Variants in SND1 observed in about 807,000 individuals in gnomAD.
SND1 encodes staphylococcal nuclease domain-containing protein 1.
A neutral mutation model predicts 121.7 loss-of-function variants in SND1; 38 were observed. That is an observed-to-expected ratio of 0.31 (90% confidence interval 0.24 to 0.41). The LOEUF is 0.41. Ranked by LOEUF, SND1 falls within the 10% of genes least tolerant of loss-of-function variation. The probability of loss-of-function intolerance (pLI) is 1.00; values close to 1 mark genes in which losing one functional copy is unlikely to be tolerated. For missense variants in SND1, 868 were observed against 1,184.6 expected, an observed-to-expected ratio of 0.73 and a Z score of 3.92; for synonymous variants, 401 against 447.4, an observed-to-expected ratio of 0.90 and a Z score of 1.31.
At chr7:127,943,010 C>G (rs986189245) in intron 15 of SND1, among the ~76,000 whole-genome samples, 1 of 152,162 alleles carries the variant, frequency 6.6e-6, no homozygotes, top group South Asian at 2.1e-4. Context: ...GTTGGCCTCA[C>G]AGTGAACATT....
chr7:127,942,021 C>T (rs1801224757), intron 15 of SND1, among the ~76,000 whole-genome samples: 3 of 150,966 alleles, frequency 2.0e-5, no homozygotes, highest in South Asian at 4.2e-4. Context: ...GGCCATTTTT[C>T]CCTTTCACGT....
chr7:127,915,169 A>G (rs1341663525), intron 14 of SND1, among the ~76,000 whole-genome samples: 1 of 152,074 alleles, frequency 6.6e-6, no homozygotes, highest in Non-Finnish European at 1.5e-5. Context: ...GTGTACCACT[A>G]CGCCAGGCTA....
chr7:127,703,911 A>G (rs1337735449), intron 7 of SND1, among the ~76,000 whole-genome samples: 1 of 152,228 alleles, frequency 6.6e-6, no homozygotes, highest in African/African-American at 2.4e-5. Flanking sequence ...TACATTCATT[A>G]GAAGTAGAAC....
intron 14 of SND1, among the ~76,000 whole-genome samples, chr7:127,911,149 T>TTTCTTTCTTC (rs1268016594): frequency 6.6e-6 from 1 of 152,268 alleles, no homozygotes; most frequent in Non-Finnish European, 1.5e-5. Context: ...TATTGCTCTA[T>TTTCTTTCTTC]TTCTTTCTTC....
Position 127,701,141 on chromosome 7 carries a change from T to C in SND1, c.429-22T>C, listed in dbSNP as rs766913648. The C allele has an allele frequency of 2.5e-6, 4 of 1,612,584 alleles. No homozygotes were observed. In the African/African-American group the frequency reaches 5.3e-5, roughly 22 times the overall value. On this transcript the variant is annotated intron_variant, in intron 4 of 23. Coordinates refer to ENST00000354725, the MANE Select transcript of SND1 (RefSeq NM_014390.4). ...CTGTTTGTGAACTCACTAACCACTC[T>C]TGTTTATTTTTTATGTCCCAGTCCT...
At chr7:127,684,672 G>C (rs1795782878) in intron 1 of SND1, among the ~76,000 whole-genome samples, 1 of 152,102 alleles carries the variant, frequency 6.6e-6, no homozygotes, top group South Asian at 2.1e-4. Context: ...CTCAGGATAG[G>C]GTGTTAGCAT....
intron 15 of SND1, among the ~76,000 whole-genome samples, chr7:127,951,276 A>T (rs1281196328): frequency 6.6e-6 from 1 of 152,210 alleles, no homozygotes; most frequent in Non-Finnish European, 1.5e-5. Context: ...TTACGACAAC[A>T]TGGATGAATC....
intron 10 of SND1, among the ~76,000 whole-genome samples, chr7:127,779,633 C>T (rs2116516266): frequency 6.6e-6 from 1 of 152,282 alleles, no homozygotes; most frequent in East Asian, 1.9e-4. Context: ...TCACTGGGGA[C>T]ACTTAATGGT....
At chr7:127,901,982 G>A (rs984004516) in intron 13 of SND1, among the ~76,000 whole-genome samples, 9 of 152,082 alleles carry the variant, frequency 5.9e-5, no homozygotes, top group Non-Finnish European at 8.8e-5. Context: ...TATTATCCAC[G>A]TCTTCCAGTT....
At chr7:127,844,179 T>A in intron 11 of SND1, 145 bp from the exon 12 acceptor site, 1 of 489,344 alleles carries the variant, frequency 2.0e-6, no homozygotes. Context: ...TGCTCAGCTA[T>A]TTCTTTTAAT....
chr7:127,907,838 T>C (rs377150275), intron 14 of SND1, among the ~76,000 whole-genome samples: 2 of 152,318 alleles, frequency 1.3e-5, no homozygotes, highest in African/African-American at 4.8e-5. Flanking sequence ...CTCTTGCTGT[T>C]TAAAAAATGA....
At chr7:127,910,590 G>C (rs1420652657) in intron 14 of SND1, among the ~76,000 whole-genome samples, 1 of 152,134 alleles carries the variant, frequency 6.6e-6, no homozygotes, top group Non-Finnish European at 1.5e-5. Context: ...GGCCCACCTA[G>C]TTTAGATTTA....
chr7:128,020,824 A>G (rs1803334747), intron 16 of SND1, among the ~76,000 whole-genome samples: 1 of 151,958 alleles, frequency 6.6e-6, no homozygotes, highest in African/African-American at 2.4e-5. Flanking sequence ...TCTTGTATTC[A>G]TCCTTCTCTG....
At chr7:127,665,767 C>T (rs940552181) in intron 1 of SND1, among the ~76,000 whole-genome samples, 12 of 152,018 alleles carry the variant, frequency 7.9e-5, no homozygotes, top group African/African-American at 2.2e-4. Flanking sequence ...TCCAGGAGAG[C>T]GGGAATTACT....
chr7:127,873,967 T>C (rs530052012), intron 12 of SND1, among the ~76,000 whole-genome samples: 9 of 152,150 alleles, frequency 5.9e-5, no homozygotes, highest in South Asian at 2.1e-4. Context: ...AGCATCAGGC[T>C]TGGAAAATAG....
chr7:127,855,965 C>T (rs563867446), intron 12 of SND1, among the ~76,000 whole-genome samples: 1 of 152,270 alleles, frequency 6.6e-6, no homozygotes, highest in South Asian at 2.1e-4. Context: ...CTCTGTGGTA[C>T]TAGGGCATTT....
chr7:127,674,026 TCCTC>T (rs1017132316), intron 1 of SND1, among the ~76,000 whole-genome samples: 1 of 150,732 alleles, frequency 6.6e-6, no homozygotes, highest in South Asian at 2.1e-4. Flanking sequence ...TCCTTCCTTC[TCCTC>T]CCTCCCTCCC....
chr7:127,693,278 G>T (rs943239998), intron 2 of SND1, among the ~76,000 whole-genome samples: 3 of 152,088 alleles, frequency 2.0e-5, no homozygotes, highest in Admixed American at 6.5e-5. Flanking sequence ...AGATTGGGGT[G>T]GGGGGTAGAA....
intron 13 of SND1, among the ~76,000 whole-genome samples, chr7:127,900,186 G>A (rs1800200838): frequency 6.6e-6 from 1 of 152,130 alleles, no homozygotes; most frequent in African/African-American, 2.4e-5. Context: ...CTGAGCTGAC[G>A]TGCACTATGT....
Sources: allele counts gnomAD v4.1 joint callset (sites outside exome capture counted in the v4.1 genomes callset), GRCh38; gene constraint gnomAD v4.1.1; transcripts MANE v1.5; gene names NCBI Gene and HGNC (gene_info 2026-07-23, HGNC 2026-07-21).